MATN2: variants seen among roughly 807,000 people sequenced by gnomAD.
The protein encoded by MATN2 is matrilin 2.
Under a neutral mutation model 103.2 loss-of-function variants are expected in MATN2, and 69 were observed. The ratio of observed to expected loss-of-function variants is 0.67; its 90% CI spans 0.55 to 0.82. The LOEUF (loss-of-function observed/expected upper bound fraction) is 0.82, where lower values mean the gene tolerates loss of function less well. Among genes scored for constraint, MATN2 ranks in the 40% least tolerant of loss-of-function variants. The pLI is 0.00. For synonymous variants in MATN2, 429 were observed against 450.2 expected, an observed-to-expected ratio of 0.95 and a Z score of 0.60; for missense variants, 1,023 against 1,211.5, an observed-to-expected ratio of 0.84 and a Z score of 2.31.
chr8:97,894,491 T>C (rs1352520948), intron 2 of MATN2, among the ~76,000 whole-genome samples: 5 of 152,042 alleles, frequency 3.3e-5, no homozygotes, highest in African/African-American at 9.7e-5. Context: ...CAACTAATTG[T>C]TTAATTTTTT....
At chr8:98,003,574 TG>T in intron 7 of MATN2, 86 bp from the exon 8 acceptor site, 1 of 1,508,842 alleles carries the variant, frequency 6.6e-7, no homozygotes, top group Non-Finnish European at 9.2e-7. Flanking sequence ...GCCCTCTCCA[TG>T]GGGGCTCATG....
Position 97,931,360 on chromosome 8 carries a change from G to T in MATN2, c.550G>T (p.Ala184Ser), listed in dbSNP as rs771313352. The T allele has an allele frequency of 6.2e-7, 1 of 1,613,870 alleles. No individual in the cohort carries two copies. Among genetic ancestry groups the T allele is most frequent in the East Asian group, 2.2e-5 (1 of 44,866 alleles). Residue 184 changes from alanine to serine, a missense_variant, in exon 3 of 19, where the codon GCA becomes TCA. By Grantham distance (99) the Ala-to-Ser change is moderately conservative. Transcript: ENST00000254898. The surrounding 1 kb of genome is among the most constrained non-coding windows in gnomAD (Gnocchi z 4.1). ...CTCCGTGGCCGAGGTGGCTGCTAAG[G>T]CACGGGACACGGGCATCCTAATCTT... Reference protein sequence around the residue: ...QDSVAEVAAKARDTGILIFAI... With the variant: ...QDSVAEVAAKSRDTGILIFAI...
intron 2 of MATN2, among the ~76,000 whole-genome samples, chr8:97,928,507 T>C (rs1021740288): frequency 6.6e-6 from 1 of 152,204 alleles, no homozygotes; most frequent in Non-Finnish European, 1.5e-5. Context: ...ATTACAGGCG[T>C]GAGCCACTGC....
chr8:98,010,459 A>C (rs1309099397), intron 10 of MATN2, among the ~76,000 whole-genome samples: 1 of 152,148 alleles, frequency 6.6e-6, no homozygotes, highest in African/African-American at 2.4e-5. Context: ...CTGACTGCTC[A>C]TCTCTAAACT....
intron 1 of MATN2, among the ~76,000 whole-genome samples, chr8:97,870,240 C>T (rs1374242190): frequency 1.3e-5 from 2 of 152,102 alleles, no homozygotes; most frequent in East Asian, 3.9e-4. Flanking sequence ...ATATGGCGGC[C>T]GGGCACGGTG....
intron 10 of MATN2, among the ~76,000 whole-genome samples, chr8:98,014,165 G>A (rs1563726637): frequency 6.6e-6 from 1 of 152,142 alleles, no homozygotes; most frequent in Non-Finnish European, 1.5e-5. Context: ...TGGGCACAAG[G>A]GAAGCTCCAG....
At position 97,975,625 on chromosome 8, in the gene MATN2, T is replaced by C. The variant is rs374464257; in HGVS notation, c.959-3261T>C. ...ATTTGGAAGTCAGATCAGCAGCTCCTCTCTTTGTAGGGGATACTAAGAAGT... is the reference window on the plus strand; with the variant it reads ...ATTTGGAAGTCAGATCAGCAGCTCCCCTCTTTGTAGGGGATACTAAGAAGT... On this transcript the variant is annotated intron_variant, in intron 5 of 18. Transcript: ENST00000254898. 3.9e-5 allele frequency among the ~76,000 whole-genome samples: 6 copies of C among 152,186 alleles called. 1 individual carries two copies. The East Asian group carries it at 5.8e-4, about 15-fold the overall frequency.
chr8:97,874,286 C>T (rs1817991250), intron 1 of MATN2, among the ~76,000 whole-genome samples: 1 of 152,172 alleles, frequency 6.6e-6, no homozygotes, highest in Non-Finnish European at 1.5e-5. Context: ...TTCCAACTTC[C>T]AGAGGCTGCA....
rs182401106 is a variant in MATN2, at chr8:97,953,133, G to C, written c.836-8275G>C. On this transcript the variant is annotated intron_variant, in intron 4 of 18. Transcript: ENST00000254898. ...AGACAAGATGTCGTTCTGTTGCCCA[G>C]GCTGGTCTTGATCCTCCTGCGTTGG... 6.6e-5 allele frequency among the ~76,000 whole-genome samples: 10 copies of C among 151,196 alleles called. No individual in the cohort carries two copies. In the East Asian group the frequency reaches 1.8e-3, roughly 27 times the overall value.
intron 13 of MATN2, among the ~76,000 whole-genome samples, chr8:98,021,858 C>G (rs1477513370): frequency 2.0e-5 from 3 of 151,732 alleles, no homozygotes; most frequent in Non-Finnish European, 4.4e-5. Context: ...ATTAGTTAAC[C>G]TATTAGTTAC....
chr8:98,007,652 G>T lies in MATN2; in HGVS notation c.1573+51G>T. The T allele has an allele frequency of 1.3e-6, 2 of 1,575,926 alleles. No individual in the cohort carries two copies. The highest frequency in any genetic ancestry group is 1.1e-5 in the South Asian group (1 of 88,184). On this transcript the variant is annotated intron_variant, in intron 10 of 18. Transcript: ENST00000254898. This position sits in a 1 kb window ranked among gnomAD's most constrained non-coding sequence, Gnocchi z 4.2. The stretch of plus-strand genomic sequence containing the variant: ...CCTGCACAGGTGTTCCGTGGGTGCC[G>T]GTGTGGGTGCGCTGCCGACGTGTAT...
intron 7 of MATN2, among the ~76,000 whole-genome samples, chr8:97,996,466 A>T (rs114352291): frequency 0.016 from 2,433 of 152,270 alleles, 62 homozygotes; most frequent in African/African-American, 0.056. Context: ...CAGAGTCCCT[A>T]ATGCTCATCC....
rs760711889 is a variant in MATN2 at position 97,930,943 on chromosome 8, C to T, written c.143-10C>T. ...TCTTCTAATGTATTTGACCTCTCCTCTTTCCCCAGAGAGTTCCTGTGAGAA... is the reference window on the plus strand; with the variant it reads ...TCTTCTAATGTATTTGACCTCTCCTTTTTCCCCAGAGAGTTCCTGTGAGAA... On this transcript the variant is annotated splice_polypyrimidine_tract_variant and intron_variant, in intron 2 of 18. Transcript: ENST00000254898. 13 of 1,592,906 alleles carry T rather than the reference C, an allele frequency of 8.2e-6. No homozygotes were observed. Among genetic ancestry groups the T allele is most frequent in the Middle Eastern group, 1.7e-4 (1 of 5,964 alleles).
intron 4 of MATN2, among the ~76,000 whole-genome samples, chr8:97,946,932 C>T (rs879692743): frequency 5.3e-5 from 8 of 152,176 alleles, no homozygotes; most frequent in Non-Finnish European, 1.2e-4. Context: ...CTATAACCAA[C>T]ATTCTTTGTG....
chr8:98,019,931 C>T lies in MATN2; in HGVS notation c.1820-1274C>T, dbSNP rs964538506. On this transcript the variant is annotated intron_variant, in intron 12 of 18. Transcript: ENST00000254898. ...CTGGGTTGGAGGGATCTCAATACCT[C>T]GCTTCTTCCTCCAGGAAGAGGGACT... Among the ~76,000 whole-genome samples, 18 of 152,180 alleles carry T rather than the reference C, an allele frequency of 1.2e-4. 1 individual carries two copies. Among genetic ancestry groups the T allele is most frequent in the Admixed American group, 1.1e-3 (17 of 15,270 alleles).
chr8:97,918,605 C>T (rs1306399277), intron 2 of MATN2, among the ~76,000 whole-genome samples: 1 of 152,188 alleles, frequency 6.6e-6, no homozygotes, highest in Non-Finnish European at 1.5e-5. Context: ...GCGATGCCTC[C>T]CAGGGCACTG....
intron 4 of MATN2, among the ~76,000 whole-genome samples, chr8:97,957,040 A>G (rs1811166937): frequency 6.6e-6 from 1 of 152,246 alleles, no homozygotes; most frequent in Admixed American, 6.5e-5. Flanking sequence ...GCCGTGATCA[A>G]GTCCTTCCAA....
chr8:98,023,384 T>C (rs548373190), intron 13 of MATN2, among the ~76,000 whole-genome samples: 1 of 152,150 alleles, frequency 6.6e-6, no homozygotes, highest in African/African-American at 2.4e-5. Flanking sequence ...CCAAAGGTGC[T>C]GAACAGCCGG....
intron 2 of MATN2, among the ~76,000 whole-genome samples, chr8:97,920,003 T>C (rs1229487593): frequency 6.6e-6 from 1 of 152,090 alleles, no homozygotes; most frequent in Non-Finnish European, 1.5e-5. Context: ...GGGCGCTGTG[T>C]AGGGACTACA....
Sources: allele counts gnomAD v4.1 joint callset (sites outside exome capture counted in the v4.1 genomes callset), GRCh38; gene constraint gnomAD v4.1.1; non-coding constraint Gnocchi (gnomAD v3.1); transcripts MANE v1.5; gene names NCBI Gene and HGNC (gene_info 2026-07-23, HGNC 2026-07-21).